Variants in COMMD10 observed in about 807,000 individuals in gnomAD.
The protein encoded by COMMD10 is COMM domain containing 10.
Under a neutral mutation model 28.9 loss-of-function variants are expected in COMMD10, and 33 were observed. The observed-to-expected ratio is 1.14, with a 90% CI of 0.87 to 1.53. COMMD10 has a LOEUF of 1.53. COMMD10 is among the 40% of genes most tolerant of loss of function. COMMD10 has a pLI of 0.00. For synonymous variants in COMMD10, 110 were observed against 81.7 expected, an observed-to-expected ratio of 1.35 and a Z score of -1.87; for missense variants, 310 against 233.4, an observed-to-expected ratio of 1.33 and a Z score of -2.14.
At chr5:116,148,938 T>C (rs1307425084) in intron 5 of COMMD10, among the ~76,000 whole-genome samples, 1 of 151,866 alleles carries the variant, frequency 6.6e-6, no homozygotes, top group African/African-American at 2.4e-5. Flanking sequence ...GCCATGCTGA[T>C]GTGTTGCACC....
At chr5:116,213,862 A>G (rs1357093925) in intron 5 of COMMD10, among the ~76,000 whole-genome samples, 1 of 152,118 alleles carries the variant, frequency 6.6e-6, no homozygotes, top group East Asian at 1.9e-4. Context: ...TTACTTATAT[A>G]CCCAAATTTG....
Position 116,239,602 on chromosome 5 carries a change from G to T in COMMD10, c.511-51915G>T, listed in dbSNP as rs139374234. 1.7e-3 allele frequency among the ~76,000 whole-genome samples: 253 copies of T among 152,136 alleles called. 2 individuals are homozygous for T. Among genetic ancestry groups the T allele is most frequent in the Middle Eastern group, 0.014 (4 of 292 alleles). On this transcript the variant is annotated intron_variant, in intron 5 of 6. Coordinates refer to ENST00000274458, the MANE Select transcript of COMMD10 (RefSeq NM_016144.4). Reference sequence around the variant, plus strand: ...CTTTGCAGGTAATGCCAACTTCCACGACATTTAGAAGATTCATAAAGTGCT... The same window carrying T: ...CTTTGCAGGTAATGCCAACTTCCACTACATTTAGAAGATTCATAAAGTGCT...
intron 5 of COMMD10, among the ~76,000 whole-genome samples, chr5:116,258,778 A>T (rs1296675865): frequency 6.6e-6 from 1 of 151,580 alleles, no homozygotes; most frequent in Non-Finnish European, 1.5e-5. Flanking sequence ...ATACTACGCT[A>T]GGATGCCATA....
intron 5 of COMMD10, among the ~76,000 whole-genome samples, chr5:116,163,423 TAA>T (rs58449487): frequency 7.6e-5 from 7 of 92,508 alleles, no homozygotes; most frequent in Admixed American, 1.1e-4. Context: ...CACCTCTACT[TAA>T]AAAAAAAAAA....
At chr5:116,104,497 T>TATCCTGAGACTTTGCTGAAGTTGCTC in intron 4 of COMMD10, among the ~76,000 whole-genome samples, 1 of 152,350 alleles carries the variant, frequency 6.6e-6, no homozygotes, top group Admixed American at 6.5e-5. Flanking sequence ...ATTGATTTTG[T>TATCCTGAGACTTTGCTGAAGTTGCTC]ATCCTGAGAC....
At chr5:116,171,767 G>A (rs111583384) in intron 5 of COMMD10, among the ~76,000 whole-genome samples, 1 of 152,116 alleles carries the variant, frequency 6.6e-6, no homozygotes, top group African/African-American at 2.4e-5. Context: ...TCATAAGGGG[G>A]AGTTGAACAG....
chr5:116,288,870 C>T lies in COMMD10; in HGVS notation c.511-2647C>T, dbSNP rs1240369477. On this transcript the variant is annotated intron_variant, in intron 5 of 6. Transcript: ENST00000274458. ...TTGTTTTCAATTGTTGGTGTTCTCT[C>T]TCTTTTTTTTTTTTTTTTTTTTTTT... Among the ~76,000 whole-genome samples the T allele has an allele frequency of 8.5e-5, 11 of 129,284 alleles. 1 individual carries two copies. The South Asian group carries it at 2.8e-3, about 32-fold the overall frequency. The allele number at this position is 129,284 out of a possible 152,430, so 84.8% of individuals were successfully genotyped here.
chr5:116,121,852 G>T (rs1333525616), intron 4 of COMMD10, among the ~76,000 whole-genome samples: 1 of 152,104 alleles, frequency 6.6e-6, no homozygotes, highest in African/African-American at 2.4e-5. Flanking sequence ...TTGTAAATTT[G>T]TTGGAGTTCT....
intron 4 of COMMD10, among the ~76,000 whole-genome samples, chr5:116,101,003 C>T (rs1750642018): frequency 6.6e-6 from 1 of 152,182 alleles, no homozygotes; most frequent in African/African-American, 2.4e-5. Flanking sequence ...ATTTGTCTTT[C>T]TGTGTCTGAC....
intron 5 of COMMD10, among the ~76,000 whole-genome samples, chr5:116,169,563 T>C (rs1753248721): frequency 1.3e-5 from 2 of 152,288 alleles, no homozygotes; most frequent in Admixed American, 1.3e-4. Flanking sequence ...CCAACATCCC[T>C]GATGAACATT....
intron 5 of COMMD10, among the ~76,000 whole-genome samples, chr5:116,226,851 A>AGG (rs1166621697): frequency 1.3e-5 from 2 of 152,112 alleles, no homozygotes; most frequent in African/African-American, 4.8e-5. Context: ...TTAAAGTTGC[A>AGG]GGAAGTATGA....
At chr5:116,110,794 C>A (rs953191384) in intron 4 of COMMD10, among the ~76,000 whole-genome samples, 1 of 152,048 alleles carries the variant, frequency 6.6e-6, no homozygotes, top group Admixed American at 6.5e-5. Context: ...AGAGCAGGAA[C>A]AAGAGAGGAA....
chr5:116,291,022 T>C (rs1751346014), intron 5 of COMMD10, among the ~76,000 whole-genome samples: 1 of 152,168 alleles, frequency 6.6e-6, no homozygotes, highest in South Asian at 2.1e-4. Flanking sequence ...TTGCTGAGTC[T>C]ATACATTGAA....
chr5:116,166,683 G>C (rs1753110480), intron 5 of COMMD10, among the ~76,000 whole-genome samples: 1 of 152,132 alleles, frequency 6.6e-6, no homozygotes, highest in Admixed American at 6.5e-5. Context: ...AGCCTCCTCT[G>C]GTGATACCCA....
intron 5 of COMMD10, among the ~76,000 whole-genome samples, chr5:116,237,119 G>T (rs1271758363): frequency 6.6e-6 from 1 of 152,022 alleles, no homozygotes; most frequent in Non-Finnish European, 1.5e-5. Flanking sequence ...GAATGTTACG[G>T]GCAGAGGATA....
At position 116,260,590 on chromosome 5, in the gene COMMD10, T is replaced by G. The variant is rs1750417262; in HGVS notation, c.511-30927T>G. Among the ~76,000 whole-genome samples, 2 of 151,846 alleles carry G rather than the reference T, an allele frequency of 1.3e-5. 1 individual carries two copies. The highest frequency in any genetic ancestry group is 4.9e-5 in the African/African-American group (2 of 41,216). ...TGGAGATCACAAAAGGACTTCACTG[T>G]CTTGTTCTATGCAAGATTTAGTAAA... On this transcript the variant is annotated intron_variant, in intron 5 of 6. Transcript: ENST00000274458.
intron 4 of COMMD10, among the ~76,000 whole-genome samples, chr5:116,124,392 T>C (rs576066057): frequency 1.3e-5 from 2 of 152,364 alleles, no homozygotes; most frequent in East Asian, 3.9e-4. Context: ...AGTGAGTTTC[T>C]TAATCCTGAG....
At chr5:116,103,403 A>G (rs1356024434) in intron 4 of COMMD10, among the ~76,000 whole-genome samples, 2 of 152,196 alleles carry the variant, frequency 1.3e-5, no homozygotes, top group African/African-American at 4.8e-5. Flanking sequence ...TTTGATTTGC[A>G]TTTCTCTAAT....
chr5:116,241,731 G>C (rs1412586525), intron 5 of COMMD10, among the ~76,000 whole-genome samples: 1 of 152,020 alleles, frequency 6.6e-6, no homozygotes, highest in African/African-American at 2.4e-5. Flanking sequence ...TTCTGCCTTA[G>C]CCTTCTGAGT....
Sources: gnomAD v4.1 joint callset for allele counts (sites outside exome capture counted in the v4.1 genomes callset) on GRCh38, gnomAD v4.1.1 for gene constraint, MANE v1.5 for transcripts, NCBI Gene and HGNC (gene_info 2026-07-23, HGNC 2026-07-21) for gene names.